Variants in ROBO2 observed in about 807,000 individuals in gnomAD.
The protein encoded by ROBO2 is roundabout guidance receptor 2, also known as roundabout homolog 2.
In ROBO2, 53 loss-of-function variants were observed where a neutral mutation model predicts 160.8. That is an observed-to-expected ratio of 0.33 (90% CI 0.26 to 0.41). The LOEUF (loss-of-function observed/expected upper bound fraction) is 0.41, where lower values mean the gene tolerates loss of function less well. ROBO2 is among the 10% of genes least tolerant of loss of function. ROBO2 has a pLI of 1.00. For synonymous variants in ROBO2, 664 were observed against 611.7 expected (o/e 1.09, Z -1.26); for missense variants, 1,577 against 1,722.4 (o/e 0.92, Z 1.49).
chr3:77,480,518 T>C (rs1477069214), intron 3 of ROBO2, among the ~76,000 whole-genome samples: 3 of 152,152 alleles, frequency 2.0e-5, no homozygotes, highest in Non-Finnish European at 4.4e-5. Flanking sequence ...CTGTGTTTGT[T>C]TTTATCCAAC....
intron 2 of ROBO2, among the ~76,000 whole-genome samples, chr3:76,804,867 G>A (rs537197242): frequency 1.3e-5 from 2 of 152,198 alleles, no homozygotes; most frequent in East Asian, 1.9e-4. Context: ...CGTAATAAAC[G>A]CACTATAAAG....
chr3:77,453,619 T>A lies in ROBO2; in HGVS notation c.389-23795T>A, dbSNP rs75286227. 6.1e-3 allele frequency among the ~76,000 whole-genome samples: 936 copies of A among 152,242 alleles called. 11 individuals carry two copies. The highest frequency in any genetic ancestry group is 0.021 in the African/African-American group (875 of 41,556). ...CTATAATAAATCCTCTGTTAGAATC[T>A]GTTTGATAGGAAAAAAGTATGTAAA... On this transcript the variant is annotated intron_variant, in intron 2 of 25. Coordinates refer to ENST00000461745, the Ensembl canonical transcript of ROBO2.
At chr3:76,459,304 A>G (rs2077956687) in intron 2 of ROBO2, among the ~76,000 whole-genome samples, 1 of 152,144 alleles carries the variant, frequency 6.6e-6, no homozygotes, top group Admixed American at 6.5e-5. Flanking sequence ...GAGAGAGAGA[A>G]AGATCTAGAT....
At chr3:76,288,641 A>G (rs1708649990) in intron 2 of ROBO2, among the ~76,000 whole-genome samples, 1 of 152,030 alleles carries the variant, frequency 6.6e-6, no homozygotes, top group Non-Finnish European at 1.5e-5. Context: ...CTCTCATCCC[A>G]TTCTCCACCC....
intron 2 of ROBO2, among the ~76,000 whole-genome samples, chr3:76,096,480 G>T (rs990476752): frequency 6.6e-6 from 1 of 152,148 alleles, no homozygotes; most frequent in Non-Finnish European, 1.5e-5. Flanking sequence ...AAGTAACACA[G>T]AGAAGGATTT....
In ROBO2 at chr3:77,574,427, A is replaced by G. The variant is rs1323384289; in HGVS notation, c.1972-72A>G. ...TGAGGACAGAAATGGGACAAATGAA[A>G]AGAGGACAAATTCATTGTGTTGTCT... On this transcript the variant is annotated intron_variant, in intron 13 of 25. Coordinates refer to ENST00000461745, the Ensembl canonical transcript of ROBO2. 4.6e-6 allele frequency: 6 copies of G among 1,299,434 alleles called. No homozygotes were observed. In the African/African-American group the frequency reaches 7.3e-5, roughly 16 times the overall value. 80.5% of individuals were successfully genotyped at this position (1,299,434 alleles called of 1,614,324 possible).
intron 2 of ROBO2, among the ~76,000 whole-genome samples, chr3:75,948,510 G>A (rs1291893314): frequency 6.6e-6 from 1 of 152,014 alleles, no homozygotes; most frequent in Non-Finnish European, 1.5e-5. Context: ...CTTCAACGTG[G>A]CCCAAATATT....
At chr3:76,090,391 A>C (rs1477472687) in intron 2 of ROBO2, among the ~76,000 whole-genome samples, 1 of 152,088 alleles carries the variant, frequency 6.6e-6, no homozygotes, top group East Asian at 1.9e-4. Context: ...ATGCCACCGC[A>C]CTCCAGCCTG....
chr3:76,714,680 A>G (rs1357636376), intron 2 of ROBO2, among the ~76,000 whole-genome samples: 1 of 152,198 alleles, frequency 6.6e-6, no homozygotes, highest in Non-Finnish European at 1.5e-5. Context: ...AACACATTTC[A>G]GTTTTACAAA....
intron 2 of ROBO2, among the ~76,000 whole-genome samples, chr3:76,087,689 G>A (rs1027842637): frequency 6.6e-6 from 1 of 151,952 alleles, no homozygotes; most frequent in Non-Finnish European, 1.5e-5. Context: ...GAATTAGATT[G>A]TTTATACTTC....
At chr3:76,039,104 T>C (rs944000057) in intron 2 of ROBO2, among the ~76,000 whole-genome samples, 2 of 151,910 alleles carry the variant, frequency 1.3e-5, no homozygotes, top group Non-Finnish European at 2.9e-5. Context: ...TAATTGACTT[T>C]GAAATGTTCC....
chr3:77,099,689 A>G (rs1336666105), intron 2 of ROBO2, among the ~76,000 whole-genome samples: 2 of 152,174 alleles, frequency 1.3e-5, no homozygotes, highest in Admixed American at 6.5e-5. Flanking sequence ...CTTTTCAAAC[A>G]TATTGAAATA....
At chr3:76,359,767 T>C (rs1040241121) in intron 2 of ROBO2, among the ~76,000 whole-genome samples, 1 of 152,090 alleles carries the variant, frequency 6.6e-6, no homozygotes, top group Non-Finnish European at 1.5e-5. Context: ...CTTTGGTAGC[T>C]ATCTCTTTCC....
chr3:77,380,832 A>T (rs2073357122), intron 2 of ROBO2, among the ~76,000 whole-genome samples: 1 of 152,194 alleles, frequency 6.6e-6, no homozygotes, highest in Admixed American at 6.5e-5. Flanking sequence ...GCGCTGTCTC[A>T]AATGGCAAAT....
At position 76,845,492 on chromosome 3, in the gene ROBO2, TAGAA is replaced by T. The variant is rs570131011; in HGVS notation, c.110-252521_110-252518del. On this transcript the variant is annotated intron_variant, in intron 2 of 26. Transcript: ENST00000487694. ...TTATCTTTCCAATGTGACAGAGATATAGAAGGACTTACCCCAAGATCTCGAAGTT... is the reference window on the plus strand; with the variant it reads ...TTATCTTTCCAATGTGACAGAGATATGGACTTACCCCAAGATCTCGAAGTT... Among the ~76,000 whole-genome samples the T allele has an allele frequency of 2.2e-4, 34 of 152,094 alleles. 1 individual carries two copies. The South Asian group carries it at 6.4e-3, about 29-fold the overall frequency.
At chr3:77,316,651 CA>C in intron 2 of ROBO2, 1 of 634,766 alleles carries the variant, frequency 1.6e-6, no homozygotes. Flanking sequence ...ACATATTTAG[CA>C]ATACTTGCAT....
In ROBO2 at chr3:76,772,517, C is replaced by CTT. The variant is rs5850289; in HGVS notation, c.110-325484_110-325483dup. On this transcript the variant is annotated intron_variant, in intron 2 of 26. Transcript: ENST00000487694. ...CCTGACATTATACCTTGGGTTTTTT[C>CTT]TTTTTTTTTTTTTTAATTTGAAAAT... 3.3e-4 allele frequency among the ~76,000 whole-genome samples: 46 copies of CTT among 138,286 alleles called. No homozygotes were observed. The South Asian group carries it at 4.1e-3, about 12-fold the overall frequency. 90.7% of individuals were successfully genotyped at this position (138,286 alleles called of 152,430 possible). A position where few individuals can be genotyped will look rare whatever the true frequency, so the allele number is the denominator to read the frequency against.
chr3:77,294,116 G>T (rs2061690217), intron 2 of ROBO2, among the ~76,000 whole-genome samples: 1 of 141,530 alleles, frequency 7.1e-6, no homozygotes, highest in Non-Finnish European at 1.6e-5. Flanking sequence ...GTAAGCTGAG[G>T]CTAGATCACC....
intron 1 of ROBO2, among the ~76,000 whole-genome samples, chr3:77,086,739 G>A (rs530063733): frequency 2.6e-5 from 4 of 152,046 alleles, no homozygotes; most frequent in East Asian, 1.9e-4. Context: ...TGCAACTAAC[G>A]CGTTTGGCTC....
Sources: allele counts gnomAD v4.1 joint callset (sites outside exome capture counted in the v4.1 genomes callset), GRCh38; gene constraint gnomAD v4.1.1; transcripts MANE v1.5; gene names NCBI Gene and HGNC (gene_info 2026-07-23, HGNC 2026-07-21).